The following MYH14 variants were observed in gnomAD, a reference collection of about 807,000 sequenced individuals.
MYH14 encodes the protein myosin heavy chain 14, also known as myosin-14.
A neutral mutation model predicts 255.5 loss-of-function variants in MYH14; 123 were observed. The observed-to-expected ratio is 0.48, with a 90% CI of 0.42 to 0.56. MYH14 has a LOEUF of 0.56. Among genes scored for constraint, MYH14 ranks in the 20% least tolerant of loss-of-function variants. MYH14 has a pLI of 0.00. For synonymous variants in MYH14, 1,095 were observed against 1,161.2 expected (o/e 0.94, Z 1.16); for missense variants, 2,423 against 2,802.3 (o/e 0.86, Z 3.06).
rs2036145551 is a variant in MYH14, at chr19:50,293,215, ACC to A, written c.5257-15_5257-14del. On this transcript the variant is annotated splice_polypyrimidine_tract_variant and intron_variant, in intron 37 of 42. Coordinates refer to ENST00000642316, the MANE Select transcript of MYH14 (RefSeq NM_001145809.2). This position sits in a 1 kb window ranked among gnomAD's most constrained non-coding sequence, Gnocchi z 4.1. ...TTGCTTCTCCTCACACCCACCGGCC[ACC>A]CCTCCATCATCACAGGAACTGGCCG... 1 of 1,583,096 alleles carries A rather than the reference ACC, an allele frequency of 6.3e-7. No individual in the cohort carries two copies. The highest frequency in any genetic ancestry group is 8.6e-7 in the Non-Finnish European group (1 of 1,163,882).
Position 50,223,102 on chromosome 19 carries a change from T to C in MYH14, c.582T>C (p.Ile194=), listed in dbSNP as rs2032918952. The change falls in exon 4 of 43, where the codon ATT becomes ATC. Residue 194 remains isoleucine, a synonymous_variant. Transcript: ENST00000642316. ...CTACAGATCGTGAGGACCAGTCCAT[T>C]CTCTGCACGTGAGTAATCTGGAAGG... ...SMLQDREDQS[I]LCTGESGAGK... is the part of the protein sequence containing the mutation. 5 of 1,613,758 alleles carry C rather than the reference T, an allele frequency of 3.1e-6. No homozygotes were observed. Among genetic ancestry groups the C allele is most frequent in the Non-Finnish European group, 3.4e-6 (4 of 1,179,652 alleles).
At chr19:50,297,955 C>T (rs2036336804) in intron 39 of MYH14, among the ~76,000 whole-genome samples, 1 of 152,098 alleles carries the variant, frequency 6.6e-6, no homozygotes, top group African/African-American at 2.4e-5. Context: ...GCGTGGGAGT[C>T]TATTCACCCC....
chr19:50,208,709 T>C (rs1849188217), intron 1 of MYH14, among the ~76,000 whole-genome samples: 1 of 152,216 alleles, frequency 6.6e-6, no homozygotes, highest in African/African-American at 2.4e-5. Flanking sequence ...AATTTAATGA[T>C]ATATTTTATT....
At chr19:50,217,477 A>G (rs2032541537) in intron 2 of MYH14, 138 bp from the exon 3 acceptor site, 1 of 1,007,236 alleles carries the variant, frequency 9.9e-7, no homozygotes, top group African/African-American at 1.6e-5. Context: ...CAAACATTCA[A>G]ATCTACATTG....
In MYH14 at chr19:50,309,692, G is replaced by C. The variant is rs765145417; in HGVS notation, c.6013G>C (p.Glu2005Gln). 6.2e-7 allele frequency: 1 copy of C among 1,609,212 alleles called. No individual in the cohort carries two copies. Among genetic ancestry groups the C allele is most frequent in the Non-Finnish European group, 8.5e-7 (1 of 1,178,180 alleles). ...TRTVRQVFRLEEGVASDEEAE... is the reference protein window; with the variant it reads ...TRTVRQVFRLQEGVASDEEAE... ...CACGGTGCGCCAGGTCTTCCGACTA[G>C]AGGAGGGCGTGGCATCCGACGAGGA... The change falls in exon 43 of 43, where the codon GAG (glutamate) becomes CAG (glutamine). Residue 2005 changes from glutamate to glutamine, a missense_variant. By Grantham distance (29) the Glu-to-Gln change is conservative. Transcript: ENST00000642316.
chr19:50,276,541 G>A lies in MYH14; in HGVS notation c.3681-216G>A, dbSNP rs1295440594. On this transcript the variant is annotated intron_variant, in intron 28 of 42. Transcript: ENST00000642316. This position sits in a 1 kb window ranked among gnomAD's most constrained non-coding sequence, Gnocchi z 4.3. ...GGAGATCCAGGAAGACTTTCCTGAG[G>A]AAGGGCCTTTTGGAAAAGGGTTTTG... 6.6e-6 allele frequency among the ~76,000 whole-genome samples: 1 copy of A among 152,166 alleles called. No homozygotes were observed. The highest frequency in any genetic ancestry group is 2.4e-5 in the African/African-American group (1 of 41,442).
Position 50,289,528 on chromosome 19 carries a change from G to T in MYH14, c.4845G>T (p.Ala1615=). 6.2e-7 allele frequency: 1 copy of T among 1,613,066 alleles called. No homozygotes were observed. The highest frequency in any genetic ancestry group is 8.5e-7 in the Non-Finnish European group (1 of 1,179,622). Residue 1615 remains alanine, a synonymous_variant, in exon 35 of 43, where the codon GCG becomes GCT. Coordinates refer to ENST00000642316, the MANE Select transcript of MYH14 (RefSeq NM_001145809.2). Reference sequence around the variant, plus strand: ...CAGAACTGGAGGATGAGCTGACAGCGGCCGAGGATGCCAAGCTGCGTCTGG... The same window carrying T: ...CAGAACTGGAGGATGAGCTGACAGCTGCCGAGGATGCCAAGCTGCGTCTGG... ...QVTELEDELT[A]AEDAKLRLEV...
At chr19:50,212,825 C>A (rs1008722649) in intron 2 of MYH14, among the ~76,000 whole-genome samples, 1 of 152,136 alleles carries the variant, frequency 6.6e-6, no homozygotes, top group Admixed American at 6.6e-5. Context: ...TGGCCCTTTC[C>A]AAATCCTCAA....
intron 40 of MYH14, among the ~76,000 whole-genome samples, chr19:50,303,669 T>C (rs1568559063): frequency 6.6e-6 from 1 of 152,232 alleles, no homozygotes; most frequent in East Asian, 1.9e-4. Context: ...TTTCAAGTGA[T>C]AAGAAGTCTA....
intron 39 of MYH14, among the ~76,000 whole-genome samples, chr19:50,296,610 A>G (rs572916884): frequency 2.0e-5 from 3 of 152,330 alleles, no homozygotes; most frequent in African/African-American, 7.2e-5. Context: ...CTGTCTCAAA[A>G]AAAAGAAAAA....
chr19:50,216,470 G>C (rs909893599), intron 2 of MYH14, among the ~76,000 whole-genome samples: 1 of 152,092 alleles, frequency 6.6e-6, no homozygotes, highest in Non-Finnish European at 1.5e-5. Flanking sequence ...CTAGTGGATT[G>C]ACACACACTT....
Position 50,244,545 on chromosome 19 carries a change from G to A in MYH14, c.1210+208G>A, listed in dbSNP as rs551275981. 6.8e-5 allele frequency among the ~76,000 whole-genome samples: 10 copies of A among 147,590 alleles called. No individual in the cohort carries two copies. In the East Asian group the frequency reaches 8.0e-4, roughly 12 times the overall value. ...GTCACCCAGGCTGGAGTGCAGTGGC[G>A]TGATCTCAGCTCACTGCAAGCTCCG... On this transcript the variant is annotated intron_variant, in intron 11 of 42. Coordinates refer to ENST00000642316, the MANE Select transcript of MYH14 (RefSeq NM_001145809.2).
intron 13 of MYH14, 77 bp from the exon 14 acceptor site, chr19:50,249,573 C>CTCTGGGTCTCTGTCCCCTGTT (rs2034282154): frequency 1.6e-5 from 25 of 1,577,638 alleles, no homozygotes; most frequent in Non-Finnish European, 1.7e-5. Context: ...TGTCCCCTGT[C>CTCTGGGTCTCTGTCCCCTGTT]TCTGGGTCTC....
At position 50,276,984 on chromosome 19, in the gene MYH14, G is replaced by C. The variant is rs1228338222; in HGVS notation, c.3825+83G>C. ...GGGGTTGGAGGAGGTACCGCTGGCTGGTTCTAGGCTAGCTCATCTCCCTGG... is the reference window on the plus strand; with the variant it reads ...GGGGTTGGAGGAGGTACCGCTGGCTCGTTCTAGGCTAGCTCATCTCCCTGG... On this transcript the variant is annotated intron_variant, in intron 29 of 42. Coordinates refer to ENST00000642316, the MANE Select transcript of MYH14 (RefSeq NM_001145809.2). The surrounding 1 kb of genome is among the most constrained non-coding windows in gnomAD (Gnocchi z 4.3). 9.2e-7 allele frequency: 1 copy of C among 1,083,786 alleles called. No individual in the cohort carries two copies. Among genetic ancestry groups the C allele is most frequent in the Non-Finnish European group, 1.3e-6 (1 of 748,420 alleles). 67.1% of individuals were successfully genotyped at this position (1,083,786 alleles called of 1,614,324 possible).
intron 33 of MYH14, among the ~76,000 whole-genome samples, chr19:50,282,999 T>A (rs764798083): frequency 1.3e-5 from 2 of 152,160 alleles, no homozygotes; most frequent in Non-Finnish European, 2.9e-5. Flanking sequence ...TCCAAATACA[T>A]ATGATTTGAT....
rs200656759 is a variant in MYH14 at position 50,261,448 on chromosome 19, T to A, written c.2425-27T>A. ...CCACTCCCCCATCACCCCCTCTCCG[T>A]CATCACCCCTCTCCCACCCCTCACA... is the stretch of plus-strand genomic sequence containing the variant. On this transcript the variant is annotated intron_variant, in intron 20 of 42. Coordinates refer to ENST00000642316, the MANE Select transcript of MYH14 (RefSeq NM_001145809.2). 80 of 1,000,206 alleles carry A rather than the reference T, an allele frequency of 8.0e-5. 1 individual carries two copies. Among genetic ancestry groups the A allele is most frequent in the African/African-American group, 2.5e-4 (6 of 24,472 alleles). 62.0% of individuals were successfully genotyped at this position (1,000,206 alleles called of 1,614,324 possible).
In MYH14 at chr19:50,232,042, C is replaced by A; in HGVS notation, c.1086C>A (p.Val362=). The change falls in exon 10 of 43, where the codon GTC becomes GTA. Residue 362 remains valine, a synonymous_variant. Coordinates refer to ENST00000642316, the MANE Select transcript of MYH14 (RefSeq NM_001145809.2). ...AGGAGACGCTGGAGTCGCTGCGGGTCCTGGGATTCAGCCACGAGGAAATCA... is the reference window on the plus strand; with the variant it reads ...AGGAGACGCTGGAGTCGCTGCGGGTACTGGGATTCAGCCACGAGGAAATCA... ...LFQETLESLR[V]LGFSHEEIIS... 6.2e-7 allele frequency: 1 copy of A among 1,612,958 alleles called. No homozygotes were observed. The highest frequency in any genetic ancestry group is 8.5e-7 in the Non-Finnish European group (1 of 1,179,902).
At chr19:50,233,327 G>C (rs541003350) in intron 10 of MYH14, among the ~76,000 whole-genome samples, 2 of 151,770 alleles carry the variant, frequency 1.3e-5, no homozygotes, top group Non-Finnish European at 2.9e-5. Flanking sequence ...CCGCCACCTC[G>C]CCTGGATAAT....
intron 24 of MYH14, among the ~76,000 whole-genome samples, chr19:50,268,827 G>A (rs1267288209): frequency 6.6e-6 from 1 of 152,228 alleles, no homozygotes; most frequent in Admixed American, 6.5e-5. Flanking sequence ...GCTGGATCCA[G>A]GCATTCAGGC....
Sources: gnomAD v4.1 joint callset for allele counts (sites outside exome capture counted in the v4.1 genomes callset) on GRCh38, gnomAD v4.1.1 for gene constraint, Gnocchi (gnomAD v3.1) non-coding constraint, MANE v1.5 for transcripts, NCBI Gene and HGNC (gene_info 2026-07-23, HGNC 2026-07-21) for gene names.